Variants in LHFPL3 observed in about 807,000 individuals in gnomAD.
The protein encoded by LHFPL3 is LHFPL tetraspan subfamily member 3.
LHFPL3 carries 5 observed loss-of-function variants against 19.3 expected under a neutral mutation model. The ratio of observed to expected loss-of-function variants is 0.26; its 90% CI spans 0.14 to 0.54. The LOEUF is 0.54. Among genes scored for constraint, LHFPL3 ranks in the 20% least tolerant of loss-of-function variants. LHFPL3 has a pLI of 0.94. For missense variants in LHFPL3, 249 were observed against 307.4 expected (o/e 0.81, Z 1.42); for synonymous variants, 133 against 126.2 (o/e 1.05, Z -0.36).
intron 2 of LHFPL3, among the ~76,000 whole-genome samples, chr7:104,778,449 A>T (rs115342067): frequency 6.6e-6 from 1 of 152,222 alleles, no homozygotes; most frequent in Non-Finnish European, 1.5e-5. Context: ...GACTTACCCA[A>T]GAGGCGTCCT....
chr7:104,866,254 T>C (rs942697153), intron 2 of LHFPL3, among the ~76,000 whole-genome samples: 3 of 152,214 alleles, frequency 2.0e-5, no homozygotes, highest in African/African-American at 7.2e-5. Context: ...ATGGGCTAAA[T>C]GCTCCAATTA....
chr7:104,342,348 G>A (rs577702782), intron 1 of LHFPL3, among the ~76,000 whole-genome samples: 1 of 151,652 alleles, frequency 6.6e-6, no homozygotes, highest in South Asian at 2.1e-4. Flanking sequence ...GAAACTTTAG[G>A]GACTTTTCAG....
chr7:104,742,343 T>C (rs1290699984), intron 2 of LHFPL3, among the ~76,000 whole-genome samples: 1 of 152,216 alleles, frequency 6.6e-6, no homozygotes, highest in East Asian at 1.9e-4. Flanking sequence ...GCACTTAAAC[T>C]ACAAATGAGA....
intron 1 of LHFPL3, among the ~76,000 whole-genome samples, chr7:104,452,262 A>G (rs1030401728): frequency 6.6e-6 from 1 of 152,230 alleles, no homozygotes; most frequent in Non-Finnish European, 1.5e-5. Flanking sequence ...GACATCAGAC[A>G]TCATTTAAAA....
chr7:104,335,221 T>C (rs1377794677), intron 1 of LHFPL3, among the ~76,000 whole-genome samples: 1 of 152,192 alleles, frequency 6.6e-6, no homozygotes, highest in African/African-American at 2.4e-5. Flanking sequence ...TGCCCCAAAA[T>C]GCTGCTTATG....
chr7:104,595,311 T>G (rs549611807), intron 1 of LHFPL3, among the ~76,000 whole-genome samples: 1 of 152,304 alleles, frequency 6.6e-6, no homozygotes, highest in Non-Finnish European at 1.5e-5. Context: ...CAGCTATAGG[T>G]CTGTTGGAGT....
chr7:104,742,359 T>C (rs1793951269), intron 2 of LHFPL3, among the ~76,000 whole-genome samples: 1 of 152,232 alleles, frequency 6.6e-6, no homozygotes. Context: ...TGAGAATACA[T>C]GATTAACCAT....
intron 2 of LHFPL3, among the ~76,000 whole-genome samples, chr7:104,761,912 G>A (rs1483544062): frequency 6.6e-6 from 1 of 152,150 alleles, no homozygotes; most frequent in Non-Finnish European, 1.5e-5. Flanking sequence ...CAGGAGGAAG[G>A]TGAACAGATT....
At chr7:104,534,423 G>C (rs1221626450) in intron 1 of LHFPL3, among the ~76,000 whole-genome samples, 1 of 152,140 alleles carries the variant, frequency 6.6e-6, no homozygotes, top group Admixed American at 6.6e-5. Flanking sequence ...TTCCATCTCG[G>C]CTCCTGCTTC....
At chr7:104,868,732 G>A (rs944677110) in intron 2 of LHFPL3, among the ~76,000 whole-genome samples, 1 of 152,086 alleles carries the variant, frequency 6.6e-6, no homozygotes, top group Admixed American at 6.6e-5. Context: ...CGACTTTAAA[G>A]TTCATATAGA....
chr7:104,798,147 G>T (rs1446963355), intron 2 of LHFPL3, among the ~76,000 whole-genome samples: 1 of 152,072 alleles, frequency 6.6e-6, no homozygotes, highest in Non-Finnish European at 1.5e-5. Flanking sequence ...TTTCCTAAGA[G>T]TTCCCACCAA....
In LHFPL3 at chr7:104,430,370, G is replaced by GTATATATATATA. The variant is rs1296589956; in HGVS notation, c.445+101147_445+101158dup. Among the ~76,000 whole-genome samples the GTATATATATATA allele has an allele frequency of 7.5e-4, 46 of 61,426 alleles. 5 individuals carry two copies. The highest frequency in any genetic ancestry group is 1.0e-3 in the Non-Finnish European group (34 of 33,566). 40.3% of individuals were successfully genotyped at this position (61,426 alleles called of 152,430 possible). A position where few individuals can be genotyped will look rare whatever the true frequency, so the allele number is the denominator to read the frequency against. On this transcript the variant is annotated intron_variant, in intron 1 of 2. Transcript: ENST00000424859. ...TCACTTGAAATTTGCATTTCTGTGG[G>GTATATATATATA]TATATATATATACATATATATATAT...
chr7:104,840,595 G>C (rs572204173), intron 2 of LHFPL3, among the ~76,000 whole-genome samples: 1 of 147,962 alleles, frequency 6.8e-6, no homozygotes, highest in Admixed American at 6.8e-5. Flanking sequence ...CTGGGATTAC[G>C]GGCAGGAGCT....
At chr7:104,902,751 A>C (rs1792515319) in intron 2 of LHFPL3, among the ~76,000 whole-genome samples, 1 of 152,144 alleles carries the variant, frequency 6.6e-6, no homozygotes, top group African/African-American at 2.4e-5. Flanking sequence ...ACGCCACTGC[A>C]CTCCAGCATG....
chr7:104,332,458 T>C (rs1801588264), intron 1 of LHFPL3, among the ~76,000 whole-genome samples: 1 of 152,134 alleles, frequency 6.6e-6, no homozygotes, highest in South Asian at 2.1e-4. Context: ...CTGGAACTCC[T>C]CACCTCAAGC....
At chr7:104,669,364 A>G (rs544602040) in intron 1 of LHFPL3, 21 of 1,613,362 alleles carry the variant, frequency 1.3e-5, no homozygotes, top group Non-Finnish European at 1.7e-5. Context: ...CCAAACTGGG[A>G]ACTCTAGCCG....
chr7:104,384,734 C>A (rs2116458450), intron 1 of LHFPL3, among the ~76,000 whole-genome samples: 1 of 147,518 alleles, frequency 6.8e-6, no homozygotes. Context: ...TTGCCGTGAG[C>A]CAAGATCGTG....
intron 1 of LHFPL3, among the ~76,000 whole-genome samples, chr7:104,520,455 G>A (rs937368674): frequency 6.8e-6 from 1 of 147,490 alleles, no homozygotes; most frequent in Non-Finnish European, 1.5e-5. Context: ...GATGATGCTG[G>A]CCTCGTAAAA....
chr7:104,537,535 G>T (rs1033987045), intron 1 of LHFPL3, among the ~76,000 whole-genome samples: 12 of 152,242 alleles, frequency 7.9e-5, no homozygotes, highest in African/African-American at 2.9e-4. Context: ...AGCACATGTG[G>T]TGAAGCAGAG....
Sources: gnomAD v4.1 joint callset for allele counts (sites outside exome capture counted in the v4.1 genomes callset) on GRCh38, gnomAD v4.1.1 for gene constraint, MANE v1.5 for transcripts, NCBI Gene and HGNC (gene_info 2026-07-23, HGNC 2026-07-21) for gene names.